Variants in EFS observed in about 807,000 individuals in gnomAD.
EFS encodes the protein embryonal Fyn-associated substrate, also known as Cas scaffolding protein family member 3.
A neutral mutation model predicts 42.2 loss-of-function variants in EFS; 34 were observed. The ratio of observed to expected loss-of-function variants is 0.81; its 90% CI spans 0.61 to 1.07. EFS has a LOEUF of 1.07. Among genes scored for constraint, EFS ranks in the 50% least tolerant of loss-of-function variants. The pLI is 0.00. For synonymous variants in EFS, 299 were observed against 320.7 expected (o/e 0.93, Z 0.72); for missense variants, 717 against 729.4 (o/e 0.98, Z 0.20).
chr14:23,359,344 G>C lies in EFS; in HGVS notation c.1134C>G (p.Ala378=). 6.2e-7 allele frequency: 1 copy of C among 1,613,128 alleles called. No homozygotes were observed. Among genetic ancestry groups the C allele is most frequent in the African/African-American group, 1.3e-5 (1 of 75,026 alleles). ...TCAGGTGGACATAGTCATACTCCTC[G>C]GCCATCGGAATGCCCTCGTACTCAT... ...HHNEYEGIPM[A]EEYDYVHLKG... Residue 378 remains alanine (A), a synonymous_variant, in exon 4 of 6, where the codon GCC becomes GCG. Transcript: ENST00000216733.
At position 23,357,430 on chromosome 14, in the gene EFS, C is replaced by T. The variant is rs552623730; in HGVS notation, c.1482G>A (p.Leu494=). The T allele has an allele frequency of 3.7e-6, 6 of 1,612,940 alleles. No homozygotes were observed. In the South Asian group the frequency reaches 6.6e-5, roughly 18 times the overall value. ...GTGCTCTCAGAGGGGCAGAGGCTGC[C>T]AGCCGGCCCAGGGTGTCCCCAACAA... ...LVFVGDTLGR[L]AASAPLRAQV... The change falls in exon 6 of 6, where the codon CTG becomes CTA. Residue 494 remains leucine (L), a synonymous_variant. Coordinates refer to ENST00000216733, the MANE Select transcript of EFS (RefSeq NM_005864.4).
intron 4 of EFS, 39 bp from the exon 5 acceptor site, chr14:23,359,004 A>C: frequency 6.4e-7 from 1 of 1,557,200 alleles, no homozygotes; most frequent in South Asian, 1.2e-5. Flanking sequence ...GGGGTGGGGG[A>C]GCAGGACGGG....
At chr14:23,360,340 G>A in intron 2 of EFS, 59 bp from the exon 3 acceptor site, 6 of 1,557,334 alleles carry the variant, frequency 3.9e-6, no homozygotes, top group African/African-American at 1.4e-5. Flanking sequence ...ATCAGATAAT[G>A]TCTGAGTGCG....
rs1225865317 is a variant in EFS, at chr14:23,357,118, A to G, written c.*108T>C. 7 of 1,096,198 alleles carry G rather than the reference A, an allele frequency of 6.4e-6. No homozygotes were observed. The highest frequency in any genetic ancestry group is 7.6e-6 in the Non-Finnish European group (6 of 791,712). 67.9% of individuals were successfully genotyped at this position (1,096,198 alleles called of 1,614,324 possible). A position where few individuals can be genotyped will look rare whatever the true frequency, so the allele number is the denominator to read the frequency against. On this transcript the variant is annotated 3_prime_UTR_variant, in exon 6 of 6. Transcript: ENST00000216733. The stretch of plus-strand genomic sequence containing the variant: ...ATGAGCAGAAAGGGCAGGAAAGGGG[A>G]AAGATACCCCCATTTCTCCTAGTCC...
chr14:23,361,911 G>A (rs1327832615), intron 1 of EFS, among the ~76,000 whole-genome samples: 2 of 152,184 alleles, frequency 1.3e-5, no homozygotes, highest in Admixed American at 6.5e-5. Context: ...ATGCCATATC[G>A]CTGGCACAGC....
intron 4 of EFS, 96 bp from the exon 5 acceptor site, chr14:23,359,061 C>T (rs556930701): frequency 1.2e-5 from 15 of 1,228,202 alleles, no homozygotes; most frequent in Admixed American, 5.0e-5. Context: ...CCCTTCCTTC[C>T]GAAGGACACT....
In EFS at chr14:23,360,630, G is replaced by A. The variant is rs1360884824; in HGVS notation, c.222C>T (p.Pro74=). Residue 74 remains proline, a synonymous_variant, in exon 2 of 6, where the codon CCC becomes CCT. Transcript: ENST00000216733. ...GGGCTGGGGACGCAGGAGAGAGGCT[G>A]GGCTTGGGTGCTGGGCCAGCAGGCA... ...KLLPAGPAPK[P]SLSPASPAQP... 12 of 1,607,774 alleles carry A rather than the reference G, an allele frequency of 7.5e-6. No individual in the cohort carries two copies. Among genetic ancestry groups the A allele is most frequent in the Non-Finnish European group, 8.5e-7 (1 of 1,176,420 alleles).
chr14:23,357,553 G>A lies in EFS; in HGVS notation c.1359C>T (p.Ala453=), dbSNP rs372274498. 4.7e-5 allele frequency: 76 copies of A among 1,612,200 alleles called. No homozygotes were observed. Among genetic ancestry groups the A allele is most frequent in the South Asian group, 2.8e-4 (25 of 90,882 alleles). ...CQSHYSALQA[A]VAALMSSTQA... ...GGGTACTGGACATCAGGGCTGCCACGGCTGCCTGCAGGGCTGAGTAGTGGC... is the reference window on the plus strand; with the variant it reads ...GGGTACTGGACATCAGGGCTGCCACAGCTGCCTGCAGGGCTGAGTAGTGGC... The change falls in exon 6 of 6, where the codon GCC becomes GCT. Residue 453 remains alanine (A), a synonymous_variant. Coordinates refer to ENST00000216733, the MANE Select transcript of EFS (RefSeq NM_005864.4).
chr14:23,362,406 C>A (rs1009098101), intron 1 of EFS, among the ~76,000 whole-genome samples: 1 of 152,218 alleles, frequency 6.6e-6, no homozygotes, highest in African/African-American at 2.4e-5. Context: ...CTGCTAGAGT[C>A]AGCAGGAGTG....
At chr14:23,360,968 T>A in intron 1 of EFS, 135 bp from the exon 2 acceptor site, 1 of 930,398 alleles carries the variant, frequency 1.1e-6, no homozygotes, top group Non-Finnish European at 1.5e-6. Context: ...GCTTTCTGCC[T>A]GGGCCCTAGC....
In EFS at chr14:23,360,892, C is replaced by T. The variant is rs1890131958; in HGVS notation, c.19-59G>A. The T allele has an allele frequency of 1.2e-5, 18 of 1,525,006 alleles. No individual in the cohort carries two copies. In the South Asian group the frequency reaches 1.9e-4, roughly 16 times the overall value. The allele number at this position is 1,525,006 out of a possible 1,614,324, so 94.5% of individuals were successfully genotyped here. ...TTCAGACCCCTTTCAGGTCACGTCA[C>T]CCCTGCTTAGAACCCTTCGGAGCTC... On this transcript the variant is annotated intron_variant, in intron 1 of 5. Transcript: ENST00000216733.
chr14:23,360,472 C>T (rs1174614119), intron 2 of EFS, 83 bp downstream of exon 2: 1 of 1,507,050 alleles, frequency 6.6e-7, no homozygotes, highest in Non-Finnish European at 8.8e-7. Context: ...TCTTCCTGCC[C>T]ACCTGCTGCA....
chr14:23,359,142 C>G (rs556010506), intron 4 of EFS, among the ~76,000 whole-genome samples, 175 bp downstream of exon 4: 35 of 152,334 alleles, frequency 2.3e-4, no homozygotes, highest in Admixed American at 2.1e-3. Context: ...CTAGGAGGAA[C>G]AGTGTGGCAC....
In EFS at chr14:23,357,589, C is replaced by T. The variant is rs757724569; in HGVS notation, c.1323G>A (p.Gly441=). ...GGGCTGAGTAGTGGCTCTGGCATTG[C>T]CCAGCATAGAAGTACAGGAGCTGCA... The part of the protein sequence containing the change: ...GDLQLLYFYA[G]QCQSHYSALQ... Residue 441 remains glycine (G), a synonymous_variant, in exon 6 of 6, where the codon GGG becomes GGA. Transcript: ENST00000216733. 5 of 1,598,532 alleles carry T rather than the reference C, an allele frequency of 3.1e-6. No individual in the cohort carries two copies. In the South Asian group the frequency reaches 3.4e-5, roughly 11 times the overall value.
At position 23,359,709 on chromosome 14, in the gene EFS, G is replaced by C. The variant is rs1365636525; in HGVS notation, c.769C>G (p.Leu257Val). The change falls in exon 4 of 6, where the codon CTG becomes GTG. Residue 257 changes from leucine to valine, a missense_variant. By Grantham distance (32) the Leu-to-Val change is conservative. Coordinates refer to ENST00000216733, the MANE Select transcript of EFS (RefSeq NM_005864.4). ...GTDEGIYDVP[L>V]LGPEAPPSPE... is the part of the protein sequence containing the mutation. ...GAAGGGGGAGCCTCTGGCCCCAGCA[G>C]AGGCACATCGTAGATCCCCTCATCA... is the stretch of plus-strand genomic sequence containing the variant. The C allele has an allele frequency of 6.6e-7, 1 of 1,515,702 alleles. No individual in the cohort carries two copies. The highest frequency in any genetic ancestry group is 8.8e-7 in the Non-Finnish European group (1 of 1,133,404). 93.9% of individuals were successfully genotyped at this position (1,515,702 alleles called of 1,614,324 possible). A position where few individuals can be genotyped will look rare whatever the true frequency, so the allele number is the denominator to read the frequency against.
At chr14:23,364,952 G>T in intron 1 of EFS, 56 bp downstream of exon 1, 1 of 1,251,976 alleles carries the variant, frequency 8.0e-7, no homozygotes, top group Non-Finnish European at 1.0e-6. Flanking sequence ...TGACAGGAGC[G>T]CAGGGCAGGC....
Position 23,360,835 on chromosome 14 carries a change from T to G in EFS, c.19-2A>C, listed in dbSNP as rs1890129366. Reference sequence around the variant, plus strand: ...ATACAGTGCCCGGGCCAGCTGGGTCTGGTTGGGGAGGTGGGAGTGGGGAGA... The same window carrying G: ...ATACAGTGCCCGGGCCAGCTGGGTCGGGTTGGGGAGGTGGGAGTGGGGAGA... On this transcript the variant is annotated splice_acceptor_variant, in intron 1 of 5. Transcript: ENST00000216733. LOFTEE classifies it high-confidence loss of function. 2 of 1,607,378 alleles carry G rather than the reference T, an allele frequency of 1.2e-6. No homozygotes were observed. Among genetic ancestry groups the G allele is most frequent in the South Asian group, 1.1e-5 (1 of 90,228 alleles).
rs1889962247 is a variant in EFS at position 23,357,493 on chromosome 14, G to C, written c.1419C>G (p.His473Gln). 1 of 1,613,926 alleles carries C rather than the reference G, an allele frequency of 6.2e-7. No individual in the cohort carries two copies. The highest frequency in any genetic ancestry group is 1.1e-5 in the South Asian group (1 of 91,072). ...ANQPPRLFVP[H>Q]SKRVVVAAHR... is the part of the protein sequence containing the mutation. The stretch of plus-strand genomic sequence containing the variant: ...GAGCAGCCACCACCACCCTCTTGCT[G>C]TGGGGCACGAAAAGGCGCGGGGGCT... The change falls in exon 6 of 6, where the codon CAC becomes CAG. Residue 473 changes from histidine to glutamine, a missense_variant. By Grantham distance (24) the His-to-Gln change is conservative. Transcript: ENST00000216733.
At chr14:23,363,068 C>G (rs976371760) in intron 1 of EFS, among the ~76,000 whole-genome samples, 1 of 152,002 alleles carries the variant, frequency 6.6e-6, no homozygotes, top group Non-Finnish European at 1.5e-5. Context: ...CGCCCACCAC[C>G]ACGCCCGGCT....
Sources: gnomAD v4.1 joint callset for allele counts (sites outside exome capture counted in the v4.1 genomes callset) on GRCh38, gnomAD v4.1.1 for gene constraint, MANE v1.5 for transcripts, NCBI Gene and HGNC (gene_info 2026-07-23, HGNC 2026-07-21) for gene names.